COL26A1: variants seen among roughly 807,000 people sequenced by gnomAD.
The protein encoded by COL26A1 is collagen type XXVI alpha 1 chain, also known as collagen alpha-1(XXVI) chain.
In COL26A1, 41 loss-of-function variants were observed where a neutral mutation model predicts 59.3. The ratio of observed to expected loss-of-function variants is 0.69; its 90% CI spans 0.54 to 0.90. The LOEUF (loss-of-function observed/expected upper bound fraction) is 0.90, where lower values mean the gene tolerates loss of function less well. Ranked by LOEUF, COL26A1 falls within the 40% of genes least tolerant of loss-of-function variation. The pLI is 0.00. For missense variants in COL26A1, 612 were observed against 602.3 expected, an observed-to-expected ratio of 1.02 and a Z score of -0.17; for synonymous variants, 266 against 256.0, an observed-to-expected ratio of 1.04 and a Z score of -0.37.
intron 3 of COL26A1, among the ~76,000 whole-genome samples, chr7:101,476,024 G>T (rs531688810): frequency 2.0e-5 from 3 of 149,364 alleles, no homozygotes; most frequent in Admixed American, 2.0e-4. Flanking sequence ...ACCCAGGCTG[G>T]AGTGCAGTGG....
At chr7:101,421,812 A>T (rs772932292) in intron 2 of COL26A1, among the ~76,000 whole-genome samples, 5 of 152,136 alleles carry the variant, frequency 3.3e-5, no homozygotes, top group Non-Finnish European at 7.3e-5. Flanking sequence ...CTATACGAAC[A>T]TCCTGTTTCT....
At chr7:101,525,787 C>T (rs1470251831) in intron 3 of COL26A1, among the ~76,000 whole-genome samples, 1 of 152,172 alleles carries the variant, frequency 6.6e-6, no homozygotes, top group Non-Finnish European at 1.5e-5. Flanking sequence ...TGAGCCACTG[C>T]ACCTGGCACT....
At chr7:101,493,323 C>A (rs1367748235) in intron 3 of COL26A1, among the ~76,000 whole-genome samples, 1 of 144,812 alleles carries the variant, frequency 6.9e-6, no homozygotes, top group East Asian at 2.3e-4. Flanking sequence ...TCCACCCTTA[C>A]CCCTTCAGTG....
Position 101,534,316 on chromosome 7 carries a change from C to CTGGA in COL26A1, c.447+1174_447+1177dup, listed in dbSNP as rs1795432608. Among the ~76,000 whole-genome samples the CTGGA allele has an allele frequency of 2.6e-5, 4 of 152,104 alleles. No individual in the cohort carries two copies. In the South Asian group the frequency reaches 8.3e-4, roughly 31 times the overall value. Reference sequence around the variant, plus strand: ...GGACCAGGGACCTGAGACGGTGGGGCTGGAGCCCCAGGCAGCAAGAACCCC... The same window carrying CTGGA: ...GGACCAGGGACCTGAGACGGTGGGGCTGGATGGAGCCCCAGGCAGCAAGAACCCC... On this transcript the variant is annotated intron_variant, in intron 4 of 12. Transcript: ENST00000313669.
intron 3 of COL26A1, among the ~76,000 whole-genome samples, chr7:101,495,284 A>G (rs1030844551): frequency 1.3e-5 from 2 of 152,110 alleles, no homozygotes; most frequent in African/African-American, 4.8e-5. Context: ...GCTTTCCAAA[A>G]CATGTTGACT....
intron 2 of COL26A1, among the ~76,000 whole-genome samples, chr7:101,437,330 G>A (rs1251371711): frequency 6.6e-6 from 1 of 151,934 alleles, no homozygotes; most frequent in Admixed American, 6.6e-5. Context: ...CATGACTTGG[G>A]CAGAGACAGA....
intron 1 of COL26A1, among the ~76,000 whole-genome samples, chr7:101,415,144 C>CT (rs1396393947): frequency 6.7e-6 from 1 of 149,334 alleles, no homozygotes; most frequent in African/African-American, 2.4e-5. Context: ...TAGTCCTGAT[C>CT]ATAACCCCCC....
chr7:101,457,713 C>G (rs1584424118), intron 3 of COL26A1, among the ~76,000 whole-genome samples: 1 of 152,106 alleles, frequency 6.6e-6, no homozygotes, highest in African/African-American at 2.4e-5. Context: ...TTTGACTATT[C>G]TTGAACTTTA....
At chr7:101,383,548 T>G (rs1190902770) in intron 1 of COL26A1, among the ~76,000 whole-genome samples, 1 of 151,524 alleles carries the variant, frequency 6.6e-6, no homozygotes, top group Admixed American at 6.6e-5. Flanking sequence ...TTTTTTCTTT[T>G]TTATGAGACA....
At chr7:101,454,454 T>G (rs1793419890) in intron 3 of COL26A1, among the ~76,000 whole-genome samples, 1 of 151,972 alleles carries the variant, frequency 6.6e-6, no homozygotes, top group South Asian at 2.1e-4. Flanking sequence ...AGACAGGGTT[T>G]CACTATGTTG....
At chr7:101,519,325 C>T (rs1191792213) in intron 3 of COL26A1, among the ~76,000 whole-genome samples, 1 of 152,164 alleles carries the variant, frequency 6.6e-6, no homozygotes, top group Admixed American at 6.5e-5. Flanking sequence ...TAGTTTTTCC[C>T]CTAGAGACAG....
intron 1 of COL26A1, among the ~76,000 whole-genome samples, chr7:101,392,712 C>T (rs543435734): frequency 6.6e-6 from 1 of 151,950 alleles, no homozygotes; most frequent in Non-Finnish European, 1.5e-5. Context: ...AAAAACCAGG[C>T]TTTTTGGTGA....
rs570786444 is a variant in COL26A1, at chr7:101,372,015, T to C, written c.158+8825T>C. Among the ~76,000 whole-genome samples the C allele has an allele frequency of 3.9e-5, 6 of 152,280 alleles. 1 individual carries two copies. The South Asian group carries it at 1.2e-3, about 32-fold the overall frequency. Reference sequence around the variant, plus strand: ...GTACTTCATTAAGTTGTTCTGGGGCTTACATGGGTTAATATTAATAATGTT... The same window carrying C: ...GTACTTCATTAAGTTGTTCTGGGGCCTACATGGGTTAATATTAATAATGTT... On this transcript the variant is annotated intron_variant, in intron 1 of 12. Coordinates refer to ENST00000313669, the MANE Select transcript of COL26A1 (RefSeq NM_001278563.3).
At chr7:101,403,230 A>C (rs751634512) in intron 1 of COL26A1, among the ~76,000 whole-genome samples, 1 of 152,146 alleles carries the variant, frequency 6.6e-6, no homozygotes, top group African/African-American at 2.4e-5. Flanking sequence ...GTCTTCACAG[A>C]GTGGGAGATG....
chr7:101,371,394 A>C (rs569705644), intron 1 of COL26A1, among the ~76,000 whole-genome samples: 1 of 152,224 alleles, frequency 6.6e-6, no homozygotes, highest in South Asian at 2.1e-4. Context: ...CATGCCTTTA[A>C]TCCCAGCACT....
At chr7:101,528,670 C>T (rs1469181200) in intron 3 of COL26A1, among the ~76,000 whole-genome samples, 1 of 152,040 alleles carries the variant, frequency 6.6e-6, no homozygotes, top group East Asian at 2.0e-4. Flanking sequence ...GCCTCAGCCT[C>T]CAAAGTAGCT....
intron 4 of COL26A1, 151 bp from the exon 5 acceptor site, chr7:101,539,742 G>T (rs1234505612): frequency 2.7e-6 from 2 of 751,230 alleles, no homozygotes; most frequent in Non-Finnish European, 4.1e-6. Flanking sequence ...TGGGCCACGA[G>T]TGAGGTTCTC....
intron 3 of COL26A1, among the ~76,000 whole-genome samples, chr7:101,477,848 A>G (rs1214769935): frequency 6.6e-6 from 1 of 152,056 alleles, no homozygotes; most frequent in South Asian, 2.1e-4. Flanking sequence ...AGATTTTCTC[A>G]GCTTTCCCTG....
At chr7:101,387,668 C>CAT (rs202015842) in intron 1 of COL26A1, among the ~76,000 whole-genome samples, 13 of 123,980 alleles carry the variant, frequency 1.0e-4, no homozygotes, top group East Asian at 6.7e-4. Flanking sequence ...TAAATACATA[C>CAT]ATATATATAT....
Sources: gnomAD v4.1 joint callset for allele counts (sites outside exome capture counted in the v4.1 genomes callset) on GRCh38, gnomAD v4.1.1 for gene constraint, MANE v1.5 for transcripts, NCBI Gene and HGNC (gene_info 2026-07-23, HGNC 2026-07-21) for gene names.